Variants in AMPH observed in about 807,000 individuals in gnomAD.
AMPH encodes amphiphysin (Stiff-Mann syndrome with breast cancer 128kD autoantigen).
AMPH carries 49 observed loss-of-function variants against 99.1 expected under a neutral mutation model. The observed-to-expected ratio is 0.49, with a 90% CI of 0.39 to 0.63. The LOEUF (loss-of-function observed/expected upper bound fraction) is 0.63. Among genes scored for constraint, AMPH ranks in the 20% least tolerant of loss-of-function variants. The pLI is 0.00. For missense variants in AMPH, 759 were observed against 863.4 expected, an observed-to-expected ratio of 0.88 and a Z score of 1.52; for synonymous variants, 314 against 317.3, an observed-to-expected ratio of 0.99 and a Z score of 0.11.
At chr7:38,387,593 C>A (rs761048532) in intron 20 of AMPH, among the ~76,000 whole-genome samples, 5 of 151,686 alleles carry the variant, frequency 3.3e-5, no homozygotes, top group Non-Finnish European at 7.4e-5. Flanking sequence ...ACCTGACTAC[C>A]AGAGAGAAAT....
intron 11 of AMPH, among the ~76,000 whole-genome samples, chr7:38,456,297 G>T (rs1787230011): frequency 6.6e-6 from 1 of 152,180 alleles, no homozygotes; most frequent in African/African-American, 2.4e-5. Flanking sequence ...CTCCCTAATA[G>T]CAGGTCCGCA....
intron 1 of AMPH, among the ~76,000 whole-genome samples, chr7:38,557,697 T>C (rs1438021960): frequency 6.6e-6 from 1 of 152,154 alleles, no homozygotes; most frequent in African/African-American, 2.4e-5. Context: ...TCTCTGGAGA[T>C]AACGGCTGTG....
At chr7:38,432,357 A>C in intron 12 of AMPH, 145 bp from the exon 13 acceptor site, 1 of 681,444 alleles carries the variant, frequency 1.5e-6, no homozygotes, top group South Asian at 1.9e-5. Flanking sequence ...TGGTGAAGGA[A>C]ATGATCCATA....
chr7:38,387,784 TAA>T (rs528120700), intron 20 of AMPH, among the ~76,000 whole-genome samples: 3 of 136,580 alleles, frequency 2.2e-5, no homozygotes, highest in Middle Eastern at 3.7e-3. Context: ...ATGAAGACCA[TAA>T]AAAAAAAAAA....
chr7:38,581,648 C>A (rs904718918), intron 1 of AMPH, among the ~76,000 whole-genome samples: 1 of 152,044 alleles, frequency 6.6e-6, no homozygotes, highest in Non-Finnish European at 1.5e-5. Flanking sequence ...TCTAGTGGAG[C>A]AAGGAAAGGA....
intron 11 of AMPH, among the ~76,000 whole-genome samples, chr7:38,455,484 T>A (rs1045989380): frequency 3.3e-5 from 5 of 152,088 alleles, no homozygotes; most frequent in South Asian, 2.1e-4. Flanking sequence ...TGTGAATAGA[T>A]CACCTAAGAG....
At chr7:38,467,093 A>ATTT in intron 7 of AMPH, among the ~76,000 whole-genome samples, 1 of 152,226 alleles carries the variant, frequency 6.6e-6, no homozygotes, top group East Asian at 1.9e-4. Context: ...CTATTCATTA[A>ATTT]TAAAGAAAAT....
chr7:38,601,811 G>T (rs939438281), intron 1 of AMPH, among the ~76,000 whole-genome samples: 9 of 152,142 alleles, frequency 5.9e-5, no homozygotes, highest in African/African-American at 2.2e-4. Flanking sequence ...ATTGCTGGCA[G>T]CTCTCAAGAA....
intron 7 of AMPH, among the ~76,000 whole-genome samples, chr7:38,474,970 G>C (rs1422610615): frequency 6.6e-6 from 1 of 152,120 alleles, no homozygotes; most frequent in Non-Finnish European, 1.5e-5. Context: ...TCAAGATGAA[G>C]GGCAGTCCTC....
chr7:38,602,079 G>A (rs558312480), intron 1 of AMPH, among the ~76,000 whole-genome samples: 1 of 152,238 alleles, frequency 6.6e-6, no homozygotes, highest in East Asian at 1.9e-4. Context: ...CCCTGTCTAT[G>A]CCATTGATAA....
intron 7 of AMPH, 68 bp from the exon 8 acceptor site, chr7:38,466,316 T>G: frequency 7.8e-7 from 1 of 1,285,988 alleles, no homozygotes. Context: ...ATAATTTTAA[T>G]AGCAATGAAA....
intron 1 of AMPH, among the ~76,000 whole-genome samples, chr7:38,590,538 C>T (rs1480136895): frequency 1.3e-5 from 2 of 152,178 alleles, no homozygotes; most frequent in Admixed American, 6.5e-5. Flanking sequence ...ACTCCCGGCT[C>T]GAATGCCTGG....
At chr7:38,537,515 C>T (rs1790657454) in intron 1 of AMPH, among the ~76,000 whole-genome samples, 1 of 152,118 alleles carries the variant, frequency 6.6e-6, no homozygotes, top group Admixed American at 6.5e-5. Context: ...TCACAAAAGA[C>T]CTTCTTTAAC....
At chr7:38,448,052 T>C (rs1786858936) in intron 11 of AMPH, among the ~76,000 whole-genome samples, 1 of 152,190 alleles carries the variant, frequency 6.6e-6, no homozygotes, top group South Asian at 2.1e-4. Context: ...TTTTATGTAA[T>C]AGAAATACCT....
intron 1 of AMPH, among the ~76,000 whole-genome samples, chr7:38,578,934 G>A (rs1237306878): frequency 6.6e-6 from 1 of 152,008 alleles, no homozygotes; most frequent in South Asian, 2.1e-4. Flanking sequence ...ATTTACTTCT[G>A]CTTTGAATCT....
intron 1 of AMPH, among the ~76,000 whole-genome samples, chr7:38,557,172 C>T (rs12333961): frequency 9.3e-4 from 141 of 152,170 alleles, no homozygotes; most frequent in African/African-American, 2.9e-3. Flanking sequence ...AACAAAGGCG[C>T]GGGAATAGCT....
chr7:38,526,790 T>C (rs774212104), intron 2 of AMPH, among the ~76,000 whole-genome samples: 2 of 152,190 alleles, frequency 1.3e-5, no homozygotes, highest in African/African-American at 2.4e-5. Context: ...TTTATCACAT[T>C]TTCCTCTTTT....
intron 2 of AMPH, among the ~76,000 whole-genome samples, chr7:38,519,258 A>T (rs1446398284): frequency 6.6e-6 from 1 of 152,238 alleles, no homozygotes; most frequent in Non-Finnish European, 1.5e-5. Flanking sequence ...AAACAGACTA[A>T]GACAGCATCT....
chr7:38,503,513 A>T, intron 3 of AMPH, 137 bp downstream of exon 3: 2 of 577,930 alleles, frequency 3.5e-6, no homozygotes, highest in Non-Finnish European at 3.0e-6. Flanking sequence ...TGGGTGGTGG[A>T]ATGGAACACC....
Sources: allele counts gnomAD v4.1 joint callset (sites outside exome capture counted in the v4.1 genomes callset), GRCh38; gene constraint gnomAD v4.1.1; transcripts MANE v1.5; gene names NCBI Gene and HGNC (gene_info 2026-07-23, HGNC 2026-07-21).